The following SLC30A9 variants were observed in gnomAD, a reference collection of about 807,000 sequenced individuals.
SLC30A9 encodes the protein proton-coupled zinc antiporter SLC30A9, mitochondrial.
In SLC30A9, 58 loss-of-function variants were observed where a neutral mutation model predicts 87.5. The observed-to-expected ratio is 0.66, with a 90% confidence interval of 0.54 to 0.82. SLC30A9 has a LOEUF of 0.82. Ranked by LOEUF, SLC30A9 falls within the 40% of genes least tolerant of loss-of-function variation. SLC30A9 has a pLI of 0.00. For synonymous variants in SLC30A9, 234 were observed against 233.0 expected, an observed-to-expected ratio of 1.00 and a Z score of -0.04; for missense variants, 557 against 679.1, an observed-to-expected ratio of 0.82 and a Z score of 2.00.
intron 9 of SLC30A9, among the ~76,000 whole-genome samples, chr4:42,051,395 T>C (rs1340481256): frequency 6.6e-6 from 1 of 152,072 alleles, no homozygotes; most frequent in East Asian, 1.9e-4. Flanking sequence ...TAATCGCCAG[T>C]ATAAGAAGCA....
intron 2 of SLC30A9, among the ~76,000 whole-genome samples, chr4:42,011,360 C>A (rs1310947073): frequency 6.6e-6 from 1 of 152,152 alleles, no homozygotes; most frequent in Non-Finnish European, 1.5e-5. Flanking sequence ...GCCCTTGACA[C>A]ATGGGGATTA....
At chr4:42,050,088 A>G (rs1717326124) in intron 9 of SLC30A9, among the ~76,000 whole-genome samples, 1 of 152,136 alleles carries the variant, frequency 6.6e-6, no homozygotes, top group South Asian at 2.1e-4. Flanking sequence ...GGAGAACTTC[A>G]ATGAGAGACA....
chr4:41,992,379 C>T (rs1056815491), intron 1 of SLC30A9, among the ~76,000 whole-genome samples: 2 of 151,586 alleles, frequency 1.3e-5, no homozygotes, highest in South Asian at 2.1e-4. Flanking sequence ...ATGAATCATA[C>T]GTTTATACTG....
intron 1 of SLC30A9, among the ~76,000 whole-genome samples, chr4:41,995,927 C>G (rs1420619957): frequency 6.6e-6 from 1 of 152,180 alleles, no homozygotes; most frequent in Non-Finnish European, 1.5e-5. Flanking sequence ...CCAGGCTGGT[C>G]TCAAACTCCT....
In SLC30A9 at chr4:41,990,538, T is replaced by G; in HGVS notation, c.-114T>G. On this transcript the variant is annotated 5_prime_UTR_variant, in exon 1 of 18. Transcript: ENST00000264451. Reference sequence around the variant, plus strand: ...CCGTTTCCGGGTCACCCAGGCAGCTTGTGGCGGCGAAGCCATCGGTGTTCG... The same window carrying G: ...CCGTTTCCGGGTCACCCAGGCAGCTGGTGGCGGCGAAGCCATCGGTGTTCG... The G allele has an allele frequency of 1.7e-6, 1 of 598,184 alleles. No homozygotes were observed. Among genetic ancestry groups the G allele is most frequent in the Non-Finnish European group, 2.9e-6 (1 of 349,318 alleles). 37.1% of individuals were successfully genotyped at this position (598,184 alleles called of 1,614,324 possible).
At chr4:42,063,255 T>G (rs968007317) in intron 11 of SLC30A9, 134 bp downstream of exon 11, 2 of 601,178 alleles carry the variant, frequency 3.3e-6, no homozygotes, top group African/African-American at 3.8e-5. Flanking sequence ...GGGTTATATA[T>G]CTATAGTTTA....
intron 11 of SLC30A9, among the ~76,000 whole-genome samples, chr4:42,063,592 AT>A (rs1167279229): frequency 2.6e-5 from 4 of 152,202 alleles, no homozygotes; most frequent in Middle Eastern, 6.3e-3. Flanking sequence ...GGATAGCAGG[AT>A]GATCACCCGT....
chr4:42,059,438 T>G (rs1049849389), intron 9 of SLC30A9, among the ~76,000 whole-genome samples: 17 of 151,594 alleles, frequency 1.1e-4, no homozygotes, highest in African/African-American at 3.6e-4. Flanking sequence ...ACCACCTAAG[T>G]GGAAATGAAA....
In SLC30A9 at chr4:42,053,695, CAAAAAAAAAAAAAAAAAA is replaced by C. The variant is rs56190460; in HGVS notation, c.840+4228_840+4245del. ...TGGATGACAAGAGTGACTCGGTCTC[CAAAAAAAAAAAAAAAAAA>C]AAAAAAAAAAAGGAATGTTATAGCA... On this transcript the variant is annotated intron_variant, in intron 9 of 17. Coordinates refer to ENST00000264451, the MANE Select transcript of SLC30A9 (RefSeq NM_006345.4). 1.4e-4 allele frequency among the ~76,000 whole-genome samples: 8 copies of C among 55,924 alleles called. No homozygotes were observed. The East Asian group carries it at 2.0e-3, about 14-fold the overall frequency. The allele number at this position is 55,924 out of a possible 152,430, so 36.7% of individuals were successfully genotyped here.
intron 7 of SLC30A9, 104 bp downstream of exon 7, chr4:42,035,437 T>G (rs1217766042): frequency 7.6e-7 from 1 of 1,307,548 alleles, no homozygotes; most frequent in African/African-American, 1.5e-5. Context: ...AATCTAAGAT[T>G]TTCTTGAGTA....
Position 42,063,693 on chromosome 4 carries a change from G to A in SLC30A9, c.1032+572G>A, listed in dbSNP as rs968332668. ...AGGGATAAAAACATACCACTTTACT[G>A]ACTACAGTGTTATTTTGCATTGGTT... On this transcript the variant is annotated intron_variant, in intron 11 of 17. Transcript: ENST00000264451. 3.9e-5 allele frequency among the ~76,000 whole-genome samples: 6 copies of A among 152,296 alleles called. No individual in the cohort carries two copies. The South Asian group carries it at 1.2e-3, about 32-fold the overall frequency.
chr4:42,078,276 T>C lies in SLC30A9; in HGVS notation c.1613T>C (p.Ile538Thr), dbSNP rs759267618. ...ETFMLKHGEN[I>T]IDTLGAEVDR... is the part of the protein sequence containing the mutation. ...TTTATGCTTAAACATGGAGAAAATA[T>C]TATTGATACTTTAGGAGCTGAAGTA... is the stretch of plus-strand genomic sequence containing the variant. The change falls in exon 17 of 18, where the codon ATT (isoleucine) becomes ACT (threonine). Residue 538 changes from isoleucine (I) to threonine (T), a missense_variant. Physicochemically the swap from Ile to Thr is moderately conservative, Grantham distance 89 (BLOSUM62 -1). Coordinates refer to ENST00000264451, the MANE Select transcript of SLC30A9 (RefSeq NM_006345.4). 6.3e-7 allele frequency: 1 copy of C among 1,588,022 alleles called. No homozygotes were observed. The highest frequency in any genetic ancestry group is 1.7e-5 in the Admixed American group (1 of 58,084).
intron 8 of SLC30A9, among the ~76,000 whole-genome samples, chr4:42,040,932 C>A (rs1716898473): frequency 6.6e-6 from 1 of 151,996 alleles, no homozygotes; most frequent in African/African-American, 2.4e-5. Flanking sequence ...AAGACATACC[C>A]AAGACTGGGC....
At chr4:42,081,636 C>T (rs4579159) in intron 17 of SLC30A9, among the ~76,000 whole-genome samples, 103,757 of 152,002 alleles carry the variant, frequency 0.68, 38,391 homozygotes, top group East Asian at 0.96. Flanking sequence ...CTTTATTCTA[C>T]TTGTTTTTAT....
chr4:42,030,057 C>A, intron 6 of SLC30A9: 1 of 847,904 alleles, frequency 1.2e-6, no homozygotes, highest in Non-Finnish European at 1.8e-6. Flanking sequence ...ATGGTGAGAA[C>A]ATTGGGCACA....
intron 8 of SLC30A9, among the ~76,000 whole-genome samples, chr4:42,045,469 T>A (rs968490594): frequency 3.3e-5 from 5 of 151,300 alleles, no homozygotes; most frequent in Non-Finnish European, 7.4e-5. Flanking sequence ...CTAGAAGAAA[T>A]GGATAAATTC....
At chr4:42,062,031 C>T (rs1717876558) in intron 10 of SLC30A9, among the ~76,000 whole-genome samples, 1 of 151,142 alleles carries the variant, frequency 6.6e-6, no homozygotes, top group African/African-American at 2.4e-5. Flanking sequence ...CCCGTCTCTA[C>T]TAAAAATACA....
At chr4:42,040,606 G>A (rs1251753369) in intron 8 of SLC30A9, among the ~76,000 whole-genome samples, 1 of 151,918 alleles carries the variant, frequency 6.6e-6, no homozygotes, top group Admixed American at 6.6e-5. Context: ...GACCATCCTG[G>A]CTAACACGGT....
chr4:42,076,049 A>G (rs963997566), intron 16 of SLC30A9, among the ~76,000 whole-genome samples: 2 of 152,190 alleles, frequency 1.3e-5, no homozygotes, highest in African/African-American at 2.4e-5. Flanking sequence ...TATTTCAACA[A>G]TGAAATAACA....
Sources: gnomAD v4.1 joint callset for allele counts (sites outside exome capture counted in the v4.1 genomes callset) on GRCh38, gnomAD v4.1.1 for gene constraint, MANE v1.5 for transcripts, NCBI Gene and HGNC (gene_info 2026-07-23, HGNC 2026-07-21) for gene names.